The following HSD3B7 variants were observed in gnomAD, a reference collection of about 807,000 sequenced individuals.
HSD3B7 encodes the protein hydroxy-delta-5-steroid dehydrogenase, 3 beta- and steroid delta-isomerase 7.
A neutral mutation model predicts 34.3 loss-of-function variants in HSD3B7; 35 were observed. The observed-to-expected ratio is 1.02, with a 90% confidence interval of 0.78 to 1.35. The LOEUF (loss-of-function observed/expected upper bound fraction) is 1.35, where lower values mean the gene tolerates loss of function less well. Among genes scored for constraint, HSD3B7 ranks in the 40% most tolerant of loss-of-function variants. The pLI, the probability that HSD3B7 is intolerant of heterozygous loss-of-function variation, is 0.00. For missense variants in HSD3B7, 426 were observed against 504.7 expected, an observed-to-expected ratio of 0.84 and a Z score of 1.49; for synonymous variants, 217 against 220.1, an observed-to-expected ratio of 0.99 and a Z score of 0.13.
chr16:30,987,107 C>T (rs1471106856), intron 6 of HSD3B7, 105 bp downstream of exon 6: 1 of 1,264,034 alleles, frequency 7.9e-7, no homozygotes. Context: ...TGGACTCTGG[C>T]TAGAAAAATA....
At position 30,986,919 on chromosome 16, in the gene HSD3B7, A is replaced by G; in HGVS notation, c.611A>G (p.Asp204Gly). Residue 204 changes from aspartate (D) to glycine (G), a missense_variant, in exon 6 of 7, where the codon GAC becomes GGC. Physicochemically the swap from Asp to Gly is moderately conservative, Grantham distance 94. Coordinates refer to ENST00000297679, the MANE Select transcript of HSD3B7 (RefSeq NM_025193.4). ...GGTGAAGGCCACCAGATCATGAGGG[A>G]CTTCTACCGCCAGGGCCTGCGCCTG... ...IYGEGHQIMR[D>G]FYRQGLRLGG... 1 of 1,613,640 alleles carries G rather than the reference A, an allele frequency of 6.2e-7. No homozygotes were observed. The highest frequency in any genetic ancestry group is 1.7e-5 in the Admixed American group (1 of 60,020).
At position 30,986,700 on chromosome 16, in the gene HSD3B7, GGAA is replaced by G; in HGVS notation, c.529_531del (p.Lys177del). 2 of 1,614,016 alleles carry G rather than the reference GGAA, an allele frequency of 1.2e-6. No homozygotes were observed. The highest frequency in any genetic ancestry group is 8.5e-7 in the Non-Finnish European group (1 of 1,179,990). ...TGGCTGGTCCTGGAGGCCAACGGGA[GGAA>G]GGTGAGCCCAGAAAAAGGAGGCGCA... On this transcript the variant is annotated inframe_deletion and splice_region_variant, in exon 5 of 7. Coordinates refer to ENST00000297679, the MANE Select transcript of HSD3B7 (RefSeq NM_025193.4).
At position 30,988,437 on chromosome 16, in the gene HSD3B7, A is replaced by G; in HGVS notation, c.*254A>G. The G allele has an allele frequency of 6.2e-6, 3 of 484,228 alleles. No homozygotes were observed. Among genetic ancestry groups the G allele is most frequent in the South Asian group, 5.1e-5 (2 of 38,948 alleles). The allele number at this position is 484,228 out of a possible 1,614,324, so 30.0% of individuals were successfully genotyped here. A position where few individuals can be genotyped will look rare whatever the true frequency, so the allele number is the denominator to read the frequency against. On this transcript the variant is annotated 3_prime_UTR_variant, in exon 7 of 7. Coordinates refer to ENST00000297679, the MANE Select transcript of HSD3B7 (RefSeq NM_025193.4). ...ACCCTCAACCTCCTGGGTTCAAGCAATCCTCCTGCCTCAGCCTCCTGAACA... is the reference window on the plus strand; with the variant it reads ...ACCCTCAACCTCCTGGGTTCAAGCAGTCCTCCTGCCTCAGCCTCCTGAACA...
Position 30,986,067 on chromosome 16 carries a change from C to T in HSD3B7, c.185C>T (p.Ala62Val), listed in dbSNP as rs144229829. ...CGGCCAGGGCCTGTGAGGGTGACTGCCATCCAGGGGGACGTGACCCAGGCC... is the reference window on the plus strand; with the variant it reads ...CGGCCAGGGCCTGTGAGGGTGACTGTCATCCAGGGGGACGTGACCCAGGCC... ...ELKTGPVRVT[A>V]IQGDVTQAHE... The change falls in exon 3 of 7, where the codon GCC becomes GTC. Residue 62 changes from alanine to valine, a missense_variant. Coordinates refer to ENST00000297679, the MANE Select transcript of HSD3B7 (RefSeq NM_025193.4). 21 of 1,613,096 alleles carry T rather than the reference C, an allele frequency of 1.3e-5. No individual in the cohort carries two copies. The highest frequency in any genetic ancestry group is 1.7e-5 in the Non-Finnish European group (20 of 1,179,928).
At position 30,986,879 on chromosome 16, in the gene HSD3B7, C is replaced by G. The variant is rs550398099; in HGVS notation, c.571C>G (p.Pro191Ala). Residue 191 changes from proline (P) to alanine (A), a missense_variant, in exon 6 of 7, where the codon CCC (proline) becomes GCC (alanine). Coordinates refer to ENST00000297679, the MANE Select transcript of HSD3B7 (RefSeq NM_025193.4). Reference sequence around the variant, plus strand: ...GCCCCTGGTGACGTGTGCCCTTCGTCCCACGGGCATCTACGGTGAAGGCCA... The same window carrying G: ...GCCCCTGGTGACGTGTGCCCTTCGTGCCACGGGCATCTACGGTGAAGGCCA... ...GLPLVTCALR[P>A]TGIYGEGHQI... 6.2e-7 allele frequency: 1 copy of G among 1,613,984 alleles called. No individual in the cohort carries two copies. Among genetic ancestry groups the G allele is most frequent in the African/African-American group, 1.3e-5 (1 of 75,070 alleles).
chr16:30,985,691 G>A lies in HSD3B7; in HGVS notation c.33G>A (p.Val11=), dbSNP rs1567369933. MADSAQAQKL[V]YLVTGGCGFL... ...ACTCTGCACAGGCCCAGAAGCTGGT[G>A]TACCTGGTCACAGGGGGCTGTGGCT... Residue 11 remains valine (V), a synonymous_variant, in exon 2 of 7, where the codon GTG becomes GTA. Transcript: ENST00000297679. The A allele has an allele frequency of 6.2e-7, 1 of 1,608,374 alleles. No individual in the cohort carries two copies. Among genetic ancestry groups the A allele is most frequent in the Middle Eastern group, 2.2e-4 (1 of 4,622 alleles).
rs1214451502 is a variant in HSD3B7 at position 30,985,997 on chromosome 16, C to T, written c.167-52C>T. ...CCAGGGTGGAAGATGAACCCAGCCT[C>T]TGGCCTCTGGCCCCAGCTCTGACAT... On this transcript the variant is annotated intron_variant, in intron 2 of 6. Coordinates refer to ENST00000297679, the MANE Select transcript of HSD3B7 (RefSeq NM_025193.4). 2.5e-6 allele frequency: 4 copies of T among 1,601,808 alleles called. No individual in the cohort carries two copies. In the African/African-American group the frequency reaches 4.0e-5, roughly 16 times the overall value.
Position 30,985,688 on chromosome 16 carries a change from G to A in HSD3B7, c.30G>A (p.Leu10=). 1 of 1,608,152 alleles carries A rather than the reference G, an allele frequency of 6.2e-7. No homozygotes were observed. Among genetic ancestry groups the A allele is most frequent in the Non-Finnish European group, 8.5e-7 (1 of 1,179,404 alleles). The change falls in exon 2 of 7, where the codon CTG becomes CTA. Residue 10 remains leucine (L), a synonymous_variant. Coordinates refer to ENST00000297679, the MANE Select transcript of HSD3B7 (RefSeq NM_025193.4). The stretch of plus-strand genomic sequence containing the variant: ...CCGACTCTGCACAGGCCCAGAAGCT[G>A]GTGTACCTGGTCACAGGGGGCTGTG... MADSAQAQK[L]VYLVTGGCGF... is the part of the protein sequence containing the mutation.
chr16:30,986,219 A>T lies in HSD3B7; in HGVS notation c.322+15A>T. 1 of 1,612,682 alleles carries T rather than the reference A, an allele frequency of 6.2e-7. No individual in the cohort carries two copies. The highest frequency in any genetic ancestry group is 1.1e-5 in the South Asian group (1 of 90,784). ...CAACGTGCAGGGTGAGGAGCTCTGG[A>T]CACTCCTGGCCATCTTGCCTGTTTG... On this transcript the variant is annotated intron_variant, in intron 3 of 6. Coordinates refer to ENST00000297679, the MANE Select transcript of HSD3B7 (RefSeq NM_025193.4).
chr16:30,986,995 CTA>C lies in HSD3B7; in HGVS notation c.689_690del (p.Tyr230CysfsTer115). On this transcript the variant is annotated frameshift_variant, in exon 6 of 7. Coordinates refer to ENST00000297679, the MANE Select transcript of HSD3B7 (RefSeq NM_025193.4). LOFTEE classifies it high-confidence loss of function. Reference protein sequence around the residue: ...IPASVEHGRVYVGNVAWMHVL... With the variant: ...IPASVEHGRVXVGNVAWMHVL... ...CGGCCTCTGTGGAGCATGGCCGGGT[CTA>C]TGTGGGTGAGGACTGGGCTAGGCAG... 1 of 1,610,956 alleles carries C rather than the reference CTA, an allele frequency of 6.2e-7. No individual in the cohort carries two copies. The highest frequency in any genetic ancestry group is 8.5e-7 in the Non-Finnish European group (1 of 1,178,296).
chr16:30,988,505 G>T lies in HSD3B7; in HGVS notation c.*322G>T, dbSNP rs536762662. ...ACGCCACCACACCTGGCTTTTTTTT[G>T]TTGTTTTTAGAGACAGGGTCTCACT... On this transcript the variant is annotated 3_prime_UTR_variant, in exon 7 of 7. Coordinates refer to ENST00000297679, the MANE Select transcript of HSD3B7 (RefSeq NM_025193.4). The T allele has an allele frequency of 3.1e-4, 91 of 293,752 alleles. No individual in the cohort carries two copies. Among genetic ancestry groups the T allele is most frequent in the South Asian group, 1.2e-3 (23 of 19,472 alleles). 18.2% of individuals were successfully genotyped at this position (293,752 alleles called of 1,614,324 possible). A position where few individuals can be genotyped will look rare whatever the true frequency, so the allele number is the denominator to read the frequency against.
In HSD3B7 at chr16:30,985,722, G is replaced by T; in HGVS notation, c.64G>T (p.Gly22Ter). The change falls in exon 2 of 7, where the codon GGA (glycine) becomes TGA (stop). Residue 22 changes from glycine (G) to a stop codon, truncating the protein, a stop_gained. Transcript: ENST00000297679. LOFTEE classifies it high-confidence loss of function. ...GGTCACAGGGGGCTGTGGCTTCCTG[G>T]GAGAGCACGTGGTGCGAATGCTGCT... ...YLVTGGCGFL[G>*]EHVVRMLLQR... The T allele has an allele frequency of 6.2e-7, 1 of 1,608,900 alleles. No homozygotes were observed.
In HSD3B7 at chr16:30,986,900, G is replaced by A. The variant is rs138715546; in HGVS notation, c.592G>A (p.Gly198Ser). 9.9e-6 allele frequency: 16 copies of A among 1,613,820 alleles called. No individual in the cohort carries two copies. Among genetic ancestry groups the A allele is most frequent in the South Asian group, 8.8e-5 (8 of 91,094 alleles). ...ALRPTGIYGE[G>S]HQIMRDFYRQ... ...TCGTCCCACGGGCATCTACGGTGAA[G>A]GCCACCAGATCATGAGGGACTTCTA... The change falls in exon 6 of 7, where the codon GGC becomes AGC. Residue 198 changes from glycine (G) to serine (S), a missense_variant. Gly to Ser is a moderately conservative substitution (Grantham distance 56). Transcript: ENST00000297679.
chr16:30,985,239 T>C lies in HSD3B7; in HGVS notation c.-65T>C. On this transcript the variant is annotated 5_prime_UTR_variant, in exon 1 of 7. Coordinates refer to ENST00000297679, the MANE Select transcript of HSD3B7 (RefSeq NM_025193.4). ...GGACGGTGTGCGGGCCGGCCAGCCCTGGACGAAAGAAGAGGGCCCCTCCAG... is the reference window on the plus strand; with the variant it reads ...GGACGGTGTGCGGGCCGGCCAGCCCCGGACGAAAGAAGAGGGCCCCTCCAG... 8.9e-7 allele frequency: 1 copy of C among 1,123,218 alleles called. No individual in the cohort carries two copies. The highest frequency in any genetic ancestry group is 1.1e-6 in the Non-Finnish European group (1 of 908,896). 69.6% of individuals were successfully genotyped at this position (1,123,218 alleles called of 1,614,324 possible).
At position 30,988,756 on chromosome 16, in the gene HSD3B7, C is replaced by T. The variant is rs2056524216; in HGVS notation, c.*573C>T. The T allele has an allele frequency of 6.5e-6, 1 of 153,876 alleles. No homozygotes were observed. Among genetic ancestry groups the T allele is most frequent in the East Asian group, 1.9e-4 (1 of 5,222 alleles). 9.5% of individuals were successfully genotyped at this position (153,876 alleles called of 1,614,324 possible). A position where few individuals can be genotyped will look rare whatever the true frequency, so the allele number is the denominator to read the frequency against. ...AGTGTCCTTCCTCTGTCCTCTCATC[C>T]CAGTCCTGATGGCCGCTTGGTGAGT... On this transcript the variant is annotated 3_prime_UTR_variant, in exon 7 of 7. Coordinates refer to ENST00000297679, the MANE Select transcript of HSD3B7 (RefSeq NM_025193.4).
intron 2 of HSD3B7, 45 bp downstream of exon 2, chr16:30,985,869 C>T (rs904247660): frequency 1.3e-6 from 2 of 1,582,214 alleles, no homozygotes; most frequent in African/African-American, 1.3e-5. Flanking sequence ...TGGACGCTTC[C>T]CCAACCCTTC....
Position 30,988,023 on chromosome 16 carries a change from C to A in HSD3B7, c.950C>A (p.Pro317His). Residue 317 changes from proline to histidine, a missense_variant, in exon 7 of 7, where the codon CCC (proline) becomes CAC (histidine). By Grantham distance (77) the Pro-to-His change is moderately conservative. Transcript: ENST00000297679. ...WLLRPLVLYA[P>H]LLNPYTLAVA... ...CTGCGGCCACTGGTGCTCTACGCAC[C>A]CCTGCTGAACCCCTACACGCTGGCC... 2 of 1,607,992 alleles carry A rather than the reference C, an allele frequency of 1.2e-6. No homozygotes were observed. The highest frequency in any genetic ancestry group is 2.2e-5 in the South Asian group (2 of 91,078).
chr16:30,988,334 TTTTC>T lies in HSD3B7; in HGVS notation c.*155_*158del. The T allele has an allele frequency of 4.3e-6, 3 of 704,470 alleles. No individual in the cohort carries two copies. The South Asian group carries it at 5.7e-5, about 13-fold the overall frequency. 43.6% of individuals were successfully genotyped at this position (704,470 alleles called of 1,614,324 possible). ...TGTCCTTGTCGTAGAGCCCTCCACATTTTCTTTTTCTTTTTTGAGACAGGGTCTT... is the reference window on the plus strand; with the variant it reads ...TGTCCTTGTCGTAGAGCCCTCCACATTTTTTCTTTTTTGAGACAGGGTCTT... On this transcript the variant is annotated 3_prime_UTR_variant, in exon 7 of 7. Coordinates refer to ENST00000297679, the MANE Select transcript of HSD3B7 (RefSeq NM_025193.4).
chr16:30,987,316 T>C (rs2143638036), intron 6 of HSD3B7: 2 of 450,360 alleles, frequency 4.4e-6, no homozygotes, highest in South Asian at 4.9e-5. Context: ...GTTCAGTGGC[T>C]CGCATCTATA....
Sources: gnomAD v4.1 joint callset for allele counts on GRCh38, gnomAD v4.1.1 for gene constraint, MANE v1.5 for transcripts, NCBI Gene and HGNC (gene_info 2026-07-23, HGNC 2026-07-21) for gene names.